Variants in ZNF804B observed in about 807,000 individuals in gnomAD.
ZNF804B encodes the protein zinc finger 804B.
ZNF804B carries 80 observed loss-of-function variants against 101.4 expected under a neutral mutation model. That is an observed-to-expected ratio of 0.79 (90% CI 0.66 to 0.95). The LOEUF (loss-of-function observed/expected upper bound fraction) is 0.95. Ranked by LOEUF, ZNF804B falls within the 40% of genes least tolerant of loss-of-function variation. The pLI is 0.00. For synonymous variants in ZNF804B, 622 were observed against 558.8 expected (o/e 1.11, Z -1.59); for missense variants, 1,673 against 1,561.9 (o/e 1.07, Z -1.20).
rs557061535 is a variant in ZNF804B at position 88,949,492 on chromosome 7, A to G, written c.108+189408A>G. Among the ~76,000 whole-genome samples the G allele has an allele frequency of 3.3e-5, 5 of 152,060 alleles. No individual in the cohort carries two copies. The South Asian group carries it at 8.3e-4, about 25-fold the overall frequency. On this transcript the variant is annotated intron_variant, in intron 1 of 3. Coordinates refer to ENST00000333190, the MANE Select transcript of ZNF804B (RefSeq NM_181646.5). ...GGCTTGAAAATGTGGCAAAGAACTG[A>G]CATAACTTTAGTAACTTTTCTAATC...
intron 1 of ZNF804B, among the ~76,000 whole-genome samples, chr7:88,948,259 A>C (rs1332363297): frequency 1.3e-5 from 2 of 151,294 alleles, no homozygotes; most frequent in Non-Finnish European, 3.0e-5. Context: ...TCTAGAGACA[A>C]GGTCGCCTCA....
At chr7:88,927,680 A>G (rs1792826996) in intron 1 of ZNF804B, among the ~76,000 whole-genome samples, 1 of 151,972 alleles carries the variant, frequency 6.6e-6, no homozygotes, top group South Asian at 2.1e-4. Context: ...TAGGTGTTAC[A>G]GTTTCCAATA....
intron 2 of ZNF804B, among the ~76,000 whole-genome samples, chr7:89,275,415 G>C (rs982429075): frequency 6.6e-6 from 1 of 151,878 alleles, no homozygotes; most frequent in African/African-American, 2.4e-5. Flanking sequence ...AAACCCTCCA[G>C]CTCTTTTCCA....
At chr7:89,123,210 G>C (rs545073420) in intron 1 of ZNF804B, among the ~76,000 whole-genome samples, 10 of 151,788 alleles carry the variant, frequency 6.6e-5, no homozygotes, top group Non-Finnish European at 1.2e-4. Context: ...TAGAAGGAAG[G>C]GAAGAAGGGA....
At chr7:89,077,453 C>A (rs984854834) in intron 1 of ZNF804B, among the ~76,000 whole-genome samples, 1 of 151,962 alleles carries the variant, frequency 6.6e-6, no homozygotes, top group Admixed American at 6.6e-5. Context: ...TTATTTAGAG[C>A]AACCTGTGTT....
chr7:89,162,834 G>A (rs1791087870), intron 1 of ZNF804B, among the ~76,000 whole-genome samples: 1 of 93,254 alleles, frequency 1.1e-5, no homozygotes, highest in Non-Finnish European at 2.1e-5. Context: ...TCCCCAGAGT[G>A]TGATGTTCCC....
In ZNF804B at chr7:89,160,554, C is replaced by T. The variant is rs115078314; in HGVS notation, c.109-57601C>T. 3.3e-3 allele frequency among the ~76,000 whole-genome samples: 502 copies of T among 152,232 alleles called. 2 individuals are homozygous for T. Among genetic ancestry groups the T allele is most frequent in the African/African-American group, 0.011 (477 of 41,546 alleles). ...GCTGATTAGTAATCACTAAATAACACAGGATCATAAAATAGAGTACACCTA... is the reference window on the plus strand; with the variant it reads ...GCTGATTAGTAATCACTAAATAACATAGGATCATAAAATAGAGTACACCTA... On this transcript the variant is annotated intron_variant, in intron 1 of 3. Transcript: ENST00000333190.
intron 1 of ZNF804B, among the ~76,000 whole-genome samples, chr7:88,927,808 C>A (rs1792828705): frequency 6.6e-6 from 1 of 152,056 alleles, no homozygotes; most frequent in Non-Finnish European, 1.5e-5. Flanking sequence ...TCTCACCTAC[C>A]ATTATATAAA....
intron 1 of ZNF804B, among the ~76,000 whole-genome samples, chr7:88,892,548 T>C (rs766531960): frequency 2.0e-5 from 3 of 152,186 alleles, no homozygotes; most frequent in Non-Finnish European, 2.9e-5. Flanking sequence ...GTAAGTTCTA[T>C]AGTTTCACTA....
rs535838579 is a variant in ZNF804B at position 89,068,657 on chromosome 7, C to T, written c.109-149498C>T. ...AACGGGAGATGCTATAGTACTGGCG[C>T]ATAATAGGTCTACCTGGAATGTTTT... On this transcript the variant is annotated intron_variant, in intron 1 of 3. Coordinates refer to ENST00000333190, the MANE Select transcript of ZNF804B (RefSeq NM_181646.5). 3.9e-5 allele frequency among the ~76,000 whole-genome samples: 6 copies of T among 152,290 alleles called. No homozygotes were observed. In the East Asian group the frequency reaches 1.2e-3, roughly 29 times the overall value.
intron 2 of ZNF804B, among the ~76,000 whole-genome samples, chr7:89,314,812 C>T (rs1790697137): frequency 6.6e-6 from 1 of 152,098 alleles, no homozygotes; most frequent in African/African-American, 2.4e-5. Context: ...TGTCTCCTGT[C>T]CAAATAACTC....
At chr7:89,054,245 A>T (rs1789257579) in intron 1 of ZNF804B, among the ~76,000 whole-genome samples, 1 of 149,534 alleles carries the variant, frequency 6.7e-6, no homozygotes, top group Admixed American at 6.7e-5. Flanking sequence ...TGTGCCTATT[A>T]TACAAGAATA....
In ZNF804B at chr7:89,033,069, T is replaced by C. The variant is rs183018524; in HGVS notation, c.109-185086T>C. Among the ~76,000 whole-genome samples, 26 of 151,494 alleles carry C rather than the reference T, an allele frequency of 1.7e-4. No homozygotes were observed. The East Asian group carries it at 5.0e-3, about 29-fold the overall frequency. On this transcript the variant is annotated intron_variant, in intron 1 of 3. Coordinates refer to ENST00000333190, the MANE Select transcript of ZNF804B (RefSeq NM_181646.5). ...AAAAAAAAACCGTATCCCTCCTGTC[T>C]AATTGAGGCTTTGTATCCTTTGACC...
chr7:89,106,856 A>T (rs1188489970), intron 1 of ZNF804B, among the ~76,000 whole-genome samples: 1 of 152,158 alleles, frequency 6.6e-6, no homozygotes, highest in Non-Finnish European at 1.5e-5. Context: ...CAAGTAGGAG[A>T]TACATTATAT....
chr7:88,835,065 T>C (rs1007797323), intron 1 of ZNF804B, among the ~76,000 whole-genome samples: 1 of 151,900 alleles, frequency 6.6e-6, no homozygotes, highest in Admixed American at 6.6e-5. Flanking sequence ...TTTTAATCAA[T>C]TGGAGTTTTA....
chr7:88,945,513 T>G (rs566646006), intron 1 of ZNF804B, among the ~76,000 whole-genome samples: 5 of 152,134 alleles, frequency 3.3e-5, no homozygotes, highest in Non-Finnish European at 7.4e-5. Flanking sequence ...TACTTTGAAG[T>G]CAGGTAGCAT....
intron 1 of ZNF804B, among the ~76,000 whole-genome samples, chr7:88,810,059 C>A (rs13222244): frequency 6.6e-6 from 1 of 152,022 alleles, no homozygotes. Flanking sequence ...ACTTGTATCT[C>A]GTAACCCAGA....
intron 1 of ZNF804B, chr7:88,794,829 T>C: frequency 6.2e-7 from 1 of 1,613,770 alleles, no homozygotes; most frequent in Middle Eastern, 1.7e-4. Context: ...GGTGTAGTCG[T>C]TGTTTCTCTT....
chr7:89,057,715 A>G (rs1424243179), intron 1 of ZNF804B, among the ~76,000 whole-genome samples: 1 of 152,068 alleles, frequency 6.6e-6, no homozygotes. Context: ...TGAAGGAAGC[A>G]GGCCACTGTG....
Sources: gnomAD v4.1 joint callset for allele counts (sites outside exome capture counted in the v4.1 genomes callset) on GRCh38, gnomAD v4.1.1 for gene constraint, MANE v1.5 for transcripts, NCBI Gene and HGNC (gene_info 2026-07-23, HGNC 2026-07-21) for gene names.